The following DOCK3 variants were observed in gnomAD, a reference collection of about 807,000 sequenced individuals.
DOCK3 encodes the protein dedicator of cytokinesis 3.
A neutral mutation model predicts 265.6 loss-of-function variants in DOCK3; 60 were observed. The ratio of observed to expected loss-of-function variants is 0.23; its 90% CI spans 0.18 to 0.28. The LOEUF (loss-of-function observed/expected upper bound fraction) is 0.28, where lower values mean the gene tolerates loss of function less well. Among genes scored for constraint, DOCK3 ranks in the 10% least tolerant of loss-of-function variants. The pLI, the probability that DOCK3 is intolerant of heterozygous loss-of-function variation, is 1.00. For missense variants in DOCK3, 1,981 were observed against 2,594.3 expected (o/e 0.76, Z 5.14); for synonymous variants, 881 against 938.0 (o/e 0.94, Z 1.11).
Position 51,341,146 on chromosome 3 carries a change from A to G in DOCK3, c.3767-91A>G, listed in dbSNP as rs757935971. 1.7e-4 allele frequency: 248 copies of G among 1,440,166 alleles called. 1 individual carries two copies. Among genetic ancestry groups the G allele is most frequent in the Non-Finnish European group, 2.3e-4 (246 of 1,085,568 alleles). 89.2% of individuals were successfully genotyped at this position (1,440,166 alleles called of 1,614,324 possible). A position where few individuals can be genotyped will look rare whatever the true frequency, so the allele number is the denominator to read the frequency against. On this transcript the variant is annotated intron_variant, in intron 37 of 52. Transcript: ENST00000266037. Reference sequence around the variant, plus strand: ...TGGGCTGCACATGACTTGCGCTGGCATTCTGCCCAGCATAGTCCTCTGACA... The same window carrying G: ...TGGGCTGCACATGACTTGCGCTGGCGTTCTGCCCAGCATAGTCCTCTGACA...
chr3:50,716,649 A>C (rs187367730), intron 1 of DOCK3, among the ~76,000 whole-genome samples: 3 of 151,846 alleles, frequency 2.0e-5, no homozygotes. Context: ...TTATTTGCCA[A>C]AGCTTATCAA....
At chr3:51,039,559 T>G (rs1270490860) in intron 5 of DOCK3, among the ~76,000 whole-genome samples, 1 of 152,226 alleles carries the variant, frequency 6.6e-6, no homozygotes, top group Non-Finnish European at 1.5e-5. Context: ...CTTTTTCCTT[T>G]GCATTTTTCT....
intron 16 of DOCK3, 64 bp from the exon 17 acceptor site, chr3:51,227,918 G>A (rs185430293): frequency 1.3e-5 from 20 of 1,500,712 alleles, no homozygotes; most frequent in Admixed American, 1.1e-4. Flanking sequence ...TAAGCACAAG[G>A]AGAATTTCCA....
chr3:50,823,970 CTT>C (rs2044609912), intron 2 of DOCK3, among the ~76,000 whole-genome samples: 1 of 152,186 alleles, frequency 6.6e-6, no homozygotes, highest in African/African-American at 2.4e-5. Flanking sequence ...GGAAGCTAAA[CTT>C]AAAGTGGCTG....
intron 1 of DOCK3, among the ~76,000 whole-genome samples, chr3:50,775,392 G>A (rs182890408): frequency 2.6e-5 from 4 of 152,062 alleles, no homozygotes; most frequent in Admixed American, 6.5e-5. Context: ...TTTCAAATTA[G>A]TTGGTATAAG....
chr3:51,153,623 A>T (rs1161375605), intron 10 of DOCK3, among the ~76,000 whole-genome samples: 1 of 152,190 alleles, frequency 6.6e-6, no homozygotes, highest in Non-Finnish European at 1.5e-5. Context: ...AGCTGTTCCT[A>T]TTCGGCTATC....
chr3:51,363,538 G>C (rs952257002), intron 49 of DOCK3, among the ~76,000 whole-genome samples: 10 of 152,168 alleles, frequency 6.6e-5, no homozygotes, highest in African/African-American at 2.4e-4. Flanking sequence ...TGCACAACGT[G>C]CAGGTTTGTT....
At chr3:50,714,061 C>T (rs1457434991) in intron 1 of DOCK3, among the ~76,000 whole-genome samples, 1 of 152,024 alleles carries the variant, frequency 6.6e-6, no homozygotes, top group Non-Finnish European at 1.5e-5. Flanking sequence ...CAGGAGCAGT[C>T]ATCACACACT....
In DOCK3 at chr3:51,374,575, G is replaced by A; in HGVS notation, c.5400G>A (p.Leu1800=). 12 of 1,612,380 alleles carry A rather than the reference G, an allele frequency of 7.4e-6. No homozygotes were observed. The highest frequency in any genetic ancestry group is 1.0e-5 in the Non-Finnish European group (12 of 1,179,266). The change falls in exon 50 of 53, where the codon CTG becomes CTA. Residue 1800 remains leucine, a synonymous_variant. Coordinates refer to ENST00000266037, the MANE Select transcript of DOCK3 (RefSeq NM_004947.5). The surrounding 1 kb of genome is among the most constrained non-coding windows in gnomAD (Gnocchi z 4.8). ...GTGCCATGTATCCAGCAGCCATCCT[G>A]GAGAACGGACAGGTAATAGACCCAC... ...PSSAMYPAAI[L]ENGQPPNFQR...
At chr3:50,838,710 A>G (rs2045654294) in intron 2 of DOCK3, among the ~76,000 whole-genome samples, 1 of 152,212 alleles carries the variant, frequency 6.6e-6, no homozygotes, top group Non-Finnish European at 1.5e-5. Flanking sequence ...TGGTTCATTA[A>G]AAGCATATAT....
At position 51,354,823 on chromosome 3, in the gene DOCK3, G is replaced by A. The variant is rs2086253544; in HGVS notation, c.4108-59G>A. The A allele has an allele frequency of 2.0e-5, 31 of 1,582,248 alleles. No homozygotes were observed. In the South Asian group the frequency reaches 3.4e-4, roughly 17 times the overall value. On this transcript the variant is annotated intron_variant, in intron 40 of 52. Transcript: ENST00000266037. Reference sequence around the variant, plus strand: ...GCTATATGTAGCTACTGACTCCAGGGTGGAGGTGGGGGGCTACAAGCAAAG... The same window carrying A: ...GCTATATGTAGCTACTGACTCCAGGATGGAGGTGGGGGGCTACAAGCAAAG...
chr3:50,822,654 G>A (rs1205655286), intron 2 of DOCK3, among the ~76,000 whole-genome samples: 3 of 151,234 alleles, frequency 2.0e-5, no homozygotes, highest in African/African-American at 4.8e-5. Flanking sequence ...GTGCCACCAT[G>A]CCCAGCTAAT....
At chr3:51,292,466 T>C (rs996558097) in intron 27 of DOCK3, among the ~76,000 whole-genome samples, 3 of 152,022 alleles carry the variant, frequency 2.0e-5, no homozygotes, top group African/African-American at 7.2e-5. Context: ...CAACAAACTG[T>C]CTAAAAAAGA....
At chr3:51,325,035 A>G (rs1212564162) in intron 32 of DOCK3, among the ~76,000 whole-genome samples, 1 of 152,196 alleles carries the variant, frequency 6.6e-6, no homozygotes, top group African/African-American at 2.4e-5. Flanking sequence ...AAAACACCAA[A>G]AGCAATAGCA....
At position 51,124,967 on chromosome 3, in the gene DOCK3, TAAA is replaced by T. The variant is rs35040855; in HGVS notation, c.747-21562_747-21560del. Reference sequence around the variant, plus strand: ...CAACATGGTGAAACCCTGTCTCTACTAAAAAAAAAAAAAAAAAAAAAATTAGCC... The same window carrying T: ...CAACATGGTGAAACCCTGTCTCTACTAAAAAAAAAAAAAAAAAAATTAGCC... On this transcript the variant is annotated intron_variant, in intron 9 of 52. Coordinates refer to ENST00000266037, the MANE Select transcript of DOCK3 (RefSeq NM_004947.5). 7.1e-3 allele frequency among the ~76,000 whole-genome samples: 898 copies of T among 126,618 alleles called. 4 individuals are homozygous for T. Among genetic ancestry groups the T allele is most frequent in the Middle Eastern group, 0.016 (4 of 246 alleles). 83.1% of individuals were successfully genotyped at this position (126,618 alleles called of 152,430 possible).
chr3:50,788,784 C>T (rs1214302245), intron 2 of DOCK3, among the ~76,000 whole-genome samples: 1 of 128,340 alleles, frequency 7.8e-6, no homozygotes, highest in African/African-American at 3.0e-5. Context: ...GTGGGCAGAG[C>T]GCAGGGAGGG....
intron 14 of DOCK3, among the ~76,000 whole-genome samples, chr3:51,225,265 G>A (rs569141814): frequency 9.9e-5 from 15 of 152,192 alleles, no homozygotes; most frequent in Non-Finnish European, 2.1e-4. Flanking sequence ...GAAAAGAAGA[G>A]GGATTAGTAG....
rs553918838 is a variant in DOCK3, at chr3:50,778,650, G to C, written c.38-25G>C. ...GTCTCAGTGTTTAAAAATGCTAATT[G>C]GTGTGTTTATCCTTGCTTTTCTAGT... On this transcript the variant is annotated intron_variant, in intron 1 of 52. Transcript: ENST00000266037. 9.1e-6 allele frequency: 14 copies of C among 1,540,826 alleles called. No homozygotes were observed. In the South Asian group the frequency reaches 1.3e-4, roughly 15 times the overall value.
intron 5 of DOCK3, among the ~76,000 whole-genome samples, chr3:50,961,894 A>T (rs775883196): frequency 5.9e-5 from 9 of 152,152 alleles, no homozygotes; most frequent in Non-Finnish European, 1.5e-5. Context: ...TTAATTTTTA[A>T]ATATTATCTG....
Sources: allele counts gnomAD v4.1 joint callset (sites outside exome capture counted in the v4.1 genomes callset), GRCh38; gene constraint gnomAD v4.1.1; non-coding constraint Gnocchi (gnomAD v3.1); transcripts MANE v1.5; gene names NCBI Gene and HGNC (gene_info 2026-07-23, HGNC 2026-07-21).